The following ZBTB16 variants were observed in gnomAD, a reference collection of about 807,000 sequenced individuals.
The protein encoded by ZBTB16 is zinc finger and BTB domain-containing protein 16.
In ZBTB16, 8 loss-of-function variants were observed where a neutral mutation model predicts 56.8. That is an observed-to-expected ratio of 0.14 (90% CI 0.08 to 0.25). ZBTB16 has a LOEUF of 0.25. Among genes scored for constraint, ZBTB16 ranks in the 10% least tolerant of loss-of-function variants. The pLI is 1.00. For synonymous variants in ZBTB16, 363 were observed against 368.5 expected (o/e 0.98, Z 0.17); for missense variants, 625 against 903.0 (o/e 0.69, Z 3.95).
In ZBTB16 at chr11:114,121,336, C is replaced by T. The variant is rs138668820; in HGVS notation, c.1269-35001C>T. On this transcript the variant is annotated intron_variant, in intron 2 of 6. Coordinates refer to ENST00000335953, the MANE Select transcript of ZBTB16 (RefSeq NM_006006.6). ...GCTCCAGGGCACCGTGGCTTCTGAA[C>T]GCAAGTGTGGAAGCGCTAGGAGTCC... Among the ~76,000 whole-genome samples the T allele has an allele frequency of 1.3e-3, 197 of 152,204 alleles. 1 individual carries two copies. Among genetic ancestry groups the T allele is most frequent in the African/African-American group, 4.2e-3 (176 of 41,530 alleles).
At chr11:114,209,320 G>C in intron 4 of ZBTB16, 1 of 929,162 alleles carries the variant, frequency 1.1e-6, no homozygotes, top group Admixed American at 6.2e-5. Context: ...GTATGCATGT[G>C]TATGTAGGCT....
chr11:114,083,795 C>T (rs566767337), intron 2 of ZBTB16, among the ~76,000 whole-genome samples: 8 of 152,226 alleles, frequency 5.3e-5, no homozygotes, highest in Non-Finnish European at 8.8e-5. Context: ...GATGCCGCCC[C>T]CCCGCCCCAC....
At chr11:114,199,285 G>A (rs994345482) in intron 4 of ZBTB16, among the ~76,000 whole-genome samples, 1 of 151,652 alleles carries the variant, frequency 6.6e-6, no homozygotes, top group Non-Finnish European at 1.5e-5. Flanking sequence ...CCCAGGGACG[G>A]GGATGCCGGA....
chr11:114,129,301 T>C (rs1941598962), intron 2 of ZBTB16, among the ~76,000 whole-genome samples: 1 of 152,268 alleles, frequency 6.6e-6, no homozygotes, highest in Non-Finnish European at 1.5e-5. Flanking sequence ...GACTCTGCAA[T>C]TACTGAGTAC....
intron 6 of ZBTB16, among the ~76,000 whole-genome samples, chr11:114,248,193 C>T (rs1314496102): frequency 6.6e-6 from 1 of 152,212 alleles, no homozygotes; most frequent in Non-Finnish European, 1.5e-5. Flanking sequence ...GCCACCGTGC[C>T]CATCCACATT....
chr11:114,085,781 C>T (rs996769777), intron 2 of ZBTB16, among the ~76,000 whole-genome samples: 2 of 151,978 alleles, frequency 1.3e-5, no homozygotes, highest in African/African-American at 2.4e-5. Context: ...TGGAATGGGG[C>T]GATGGGCATG....
intron 3 of ZBTB16, among the ~76,000 whole-genome samples, chr11:114,157,902 C>T (rs568922768): frequency 3.9e-5 from 6 of 152,258 alleles, no homozygotes; most frequent in African/African-American, 1.4e-4. Flanking sequence ...CTGCCCCTGG[C>T]TCCACTGAAT....
intron 3 of ZBTB16, among the ~76,000 whole-genome samples, chr11:114,165,592 G>A (rs964735128): frequency 2.6e-5 from 4 of 152,174 alleles, no homozygotes; most frequent in East Asian, 3.9e-4. Flanking sequence ...GGTTTGGTGG[G>A]GCCTGAAGCG....
intron 3 of ZBTB16, among the ~76,000 whole-genome samples, chr11:114,157,536 G>A (rs569432188): frequency 6.6e-6 from 1 of 152,244 alleles, no homozygotes; most frequent in South Asian, 2.1e-4. Context: ...CTGTTGCCCC[G>A]GGGGGCGTGT....
chr11:114,078,838 C>G (rs1021753322), intron 2 of ZBTB16, among the ~76,000 whole-genome samples: 13 of 151,308 alleles, frequency 8.6e-5, no homozygotes, highest in African/African-American at 3.2e-4. Context: ...AGGTGGGTCA[C>G]CTGAGGTCAG....
chr11:114,217,989 T>C (rs1463549924), intron 4 of ZBTB16, among the ~76,000 whole-genome samples: 1 of 152,154 alleles, frequency 6.6e-6, no homozygotes, highest in East Asian at 1.9e-4. Context: ...GCTCCTGGCA[T>C]TCTCAAATCC....
At chr11:114,232,687 G>C (rs893528851) in intron 4 of ZBTB16, among the ~76,000 whole-genome samples, 5 of 152,210 alleles carry the variant, frequency 3.3e-5, no homozygotes, top group Admixed American at 3.3e-4. Flanking sequence ...TCTCCTCTCT[G>C]GGTTGTTGAA....
chr11:114,090,065 C>A (rs764376659), intron 2 of ZBTB16, among the ~76,000 whole-genome samples: 4 of 152,228 alleles, frequency 2.6e-5, no homozygotes, highest in Non-Finnish European at 5.9e-5. Context: ...TCTAGGTCAT[C>A]TCATGGCTCT....
In ZBTB16 at chr11:114,107,679, G is replaced by A. The variant is rs532450814; in HGVS notation, c.1268+43111G>A. Reference sequence around the variant, plus strand: ...CATTGACTTTTTCTCAATGTGTGATGTGGAGATATATGCATCTTGGGAGGA... The same window carrying A: ...CATTGACTTTTTCTCAATGTGTGATATGGAGATATATGCATCTTGGGAGGA... On this transcript the variant is annotated intron_variant, in intron 2 of 6. Coordinates refer to ENST00000335953, the MANE Select transcript of ZBTB16 (RefSeq NM_006006.6). 2.6e-5 allele frequency among the ~76,000 whole-genome samples: 4 copies of A among 152,324 alleles called. No homozygotes were observed. In the South Asian group the frequency reaches 8.3e-4, roughly 32 times the overall value.
At chr11:114,170,068 C>A (rs1942914935) in intron 3 of ZBTB16, among the ~76,000 whole-genome samples, 2 of 152,330 alleles carry the variant, frequency 1.3e-5, no homozygotes, top group East Asian at 3.9e-4. Flanking sequence ...TTGAGAAACA[C>A]TGCATTAAAG....
chr11:114,179,280 T>TAGAGAGAGAGAG (rs113097570), intron 3 of ZBTB16, among the ~76,000 whole-genome samples: 31 of 149,814 alleles, frequency 2.1e-4, no homozygotes, highest in African/African-American at 3.2e-4. Flanking sequence ...GAGAGAGAGC[T>TAGAGAGAGAGAG]AGAGAGAGAG....
At chr11:114,235,693 T>TCTTTTTCTTTCTA (rs10669266) in intron 4 of ZBTB16, among the ~76,000 whole-genome samples, 7 of 114,388 alleles carry the variant, frequency 6.1e-5, no homozygotes, top group Admixed American at 1.9e-4. Flanking sequence ...TTTCTTTCTT[T>TCTTTTTCTTTCTA]TCTTTCTTTC....
At position 114,064,407 on chromosome 11, in the gene ZBTB16, C is replaced by T. The variant is rs1242476907; in HGVS notation, c.1107C>T (p.Ser369=). 6.2e-7 allele frequency: 1 copy of T among 1,614,128 alleles called. No individual in the cohort carries two copies. The highest frequency in any genetic ancestry group is 1.1e-5 in the South Asian group (1 of 91,084). ...CCCTGGCTGTCTCCATGGACTTCAG[C>T]ACCTATGGGGGGCTGCTGCCCCAGG... is the stretch of plus-strand genomic sequence containing the variant. ...QPALAVSMDF[S]TYGGLLPQGF... Residue 369 remains serine (S), a synonymous_variant, in exon 2 of 7, where the codon AGC becomes AGT. Coordinates refer to ENST00000335953, the MANE Select transcript of ZBTB16 (RefSeq NM_006006.6). This position sits in a 1 kb window ranked among gnomAD's most constrained non-coding sequence, Gnocchi z 4.2.
Position 114,254,301 on chromosome 11 carries a change from T to C in ZBTB16, c.*3746T>C, listed in dbSNP as rs1944964712. 6.6e-6 allele frequency among the ~76,000 whole-genome samples: 1 copy of C among 151,540 alleles called. No homozygotes were observed. The highest frequency in any genetic ancestry group is 1.5e-5 in the Non-Finnish European group (1 of 67,878). ...GGCAGATCTGGGGTGCAGGGGTAGGTAGGGAGGCTGGGGGACCCAGTGATT... is the reference window on the plus strand; with the variant it reads ...GGCAGATCTGGGGTGCAGGGGTAGGCAGGGAGGCTGGGGGACCCAGTGATT... On this transcript the variant is annotated 3_prime_UTR_variant, in exon 7 of 7. Coordinates refer to ENST00000335953, the MANE Select transcript of ZBTB16 (RefSeq NM_006006.6).
Sources: gnomAD v4.1 joint callset for allele counts (sites outside exome capture counted in the v4.1 genomes callset) on GRCh38, gnomAD v4.1.1 for gene constraint, Gnocchi (gnomAD v3.1) non-coding constraint, MANE v1.5 for transcripts, NCBI Gene and HGNC (gene_info 2026-07-23, HGNC 2026-07-21) for gene names.